The following POC1B variants were observed in gnomAD, a reference collection of about 807,000 sequenced individuals.
POC1B encodes the protein POC1 centriolar protein B, also known as POC1 centriolar protein homolog B.
A neutral mutation model predicts 60.6 loss-of-function variants in POC1B; 44 were observed. The ratio of observed to expected loss-of-function variants is 0.73; its 90% CI spans 0.57 to 0.93. The LOEUF (loss-of-function observed/expected upper bound fraction) is 0.93, where lower values mean the gene tolerates loss of function less well. Ranked by LOEUF, POC1B falls within the 40% of genes least tolerant of loss-of-function variation. The probability of loss-of-function intolerance (pLI) is 0.00; values close to 1 mark genes in which losing one functional copy is unlikely to be tolerated. For synonymous variants in POC1B, 180 were observed against 198.9 expected (o/e 0.90, Z 0.80); for missense variants, 555 against 572.3 (o/e 0.97, Z 0.31).
At chr12:89,483,891 T>G (rs1027506765) in intron 4 of POC1B, among the ~76,000 whole-genome samples, 1 of 152,218 alleles carries the variant, frequency 6.6e-6, no homozygotes, top group African/African-American at 2.4e-5. Context: ...ATGCTGGAAG[T>G]AGCAAATATG....
At chr12:89,463,485 A>G (rs1461797935) in intron 9 of POC1B, among the ~76,000 whole-genome samples, 1 of 152,180 alleles carries the variant, frequency 6.6e-6, no homozygotes, top group Non-Finnish European at 1.5e-5. Context: ...GGACAATGCA[A>G]TCCAACTCAT....
At chr12:89,465,333 A>C (rs1379987221) in intron 9 of POC1B, among the ~76,000 whole-genome samples, 1 of 152,200 alleles carries the variant, frequency 6.6e-6, no homozygotes, top group Non-Finnish European at 1.5e-5. Context: ...GTGTGGAGTC[A>C]TGGAAATAGC....
At chr12:89,408,785 C>A in the POC1B span, among the ~76,000 whole-genome samples, 5 of 152,080 alleles carry the variant, frequency 3.3e-5, no homozygotes, top group Non-Finnish European at 7.4e-5. Context: ...CCGCGCCTGG[C>A]CTGTTTCCTG....
At chr12:89,525,485 C>A (rs1871379723) in intron 1 of POC1B, 2 of 1,327,250 alleles carry the variant, frequency 1.5e-6, no homozygotes, top group South Asian at 4.1e-5. Flanking sequence ...CTTTGAAATG[C>A]ACGTTCCCGG....
chr12:89,500,833 A>G, intron 2 of POC1B: 1 of 1,041,194 alleles, frequency 9.6e-7, no homozygotes. Context: ...GGATCATCTC[A>G]GAATAGAATA....
At chr12:89,405,772 T>C in the POC1B span, among the ~76,000 whole-genome samples, 4 of 151,776 alleles carry the variant, frequency 2.6e-5, 1 homozygote, top group East Asian at 1.9e-4. Context: ...ATGGGCAGCA[T>C]GGTGAGACCC....
intron 10 of POC1B, among the ~76,000 whole-genome samples, chr12:89,448,249 G>GGA (rs1352791197): frequency 1.3e-5 from 2 of 151,948 alleles, no homozygotes; most frequent in African/African-American, 4.8e-5. Context: ...AGACAAACCT[G>GGA]GACAACATGG....
chr12:89,403,430 T>G, the POC1B span, among the ~76,000 whole-genome samples: 5 of 152,282 alleles, frequency 3.3e-5, no homozygotes, highest in Non-Finnish European at 7.3e-5. Context: ...CAAGGTAAAC[T>G]GAGTTTGAAA....
chr12:89,440,035 C>T (rs778352163), intron 10 of POC1B, among the ~76,000 whole-genome samples: 65 of 152,166 alleles, frequency 4.3e-4, no homozygotes, highest in Non-Finnish European at 7.8e-4. Flanking sequence ...TTTTGCTTAC[C>T]GTTATAACCC....
chr12:89,526,024 C>A lies in POC1B; in HGVS notation c.-129G>T. The A allele has an allele frequency of 1.3e-6, 2 of 1,536,968 alleles. No homozygotes were observed. Among genetic ancestry groups the A allele is most frequent in the South Asian group, 2.4e-5 (2 of 83,790 alleles). ...GCCCAGAGCGGCAGCGCCTCCCGGTCACTACAACAACGGCGGCCCAGTCAA... is the reference window on the plus strand; with the variant it reads ...GCCCAGAGCGGCAGCGCCTCCCGGTAACTACAACAACGGCGGCCCAGTCAA... On this transcript the variant is annotated 5_prime_UTR_variant, in exon 1 of 12. Transcript: ENST00000313546.
chr12:89,486,246 T>C (rs1868626212), intron 4 of POC1B, among the ~76,000 whole-genome samples: 1 of 152,032 alleles, frequency 6.6e-6, no homozygotes, highest in Non-Finnish European at 1.5e-5. Context: ...CGAAGTCTAA[T>C]AGGGAAGAGA....
chr12:89,446,089 A>G (rs1881774019), intron 10 of POC1B, among the ~76,000 whole-genome samples: 1 of 152,228 alleles, frequency 6.6e-6, no homozygotes, highest in Non-Finnish European at 1.5e-5. Flanking sequence ...GCGATCATTA[A>G]AAAGTCAGGA....
At chr12:89,431,535 T>C (rs1305938830) in intron 10 of POC1B, among the ~76,000 whole-genome samples, 2 of 152,288 alleles carry the variant, frequency 1.3e-5, no homozygotes, top group East Asian at 1.9e-4. Flanking sequence ...CCTTTTGCCT[T>C]GGACAAAAAT....
At chr12:89,462,493 C>T (rs534197218) in intron 9 of POC1B, among the ~76,000 whole-genome samples, 1 of 152,096 alleles carries the variant, frequency 6.6e-6, no homozygotes, top group African/African-American at 2.4e-5. Context: ...CTGAGGAGTC[C>T]ACGAACATAA....
chr12:89,438,790 C>T (rs551368751), intron 10 of POC1B, among the ~76,000 whole-genome samples: 5 of 152,354 alleles, frequency 3.3e-5, no homozygotes, highest in South Asian at 2.1e-4. Flanking sequence ...TTACCACATA[C>T]ATGCAGAATA....
chr12:89,517,341 AGCACTCTATG>A (rs1238736483), intron 2 of POC1B, among the ~76,000 whole-genome samples: 2 of 152,182 alleles, frequency 1.3e-5, no homozygotes, highest in Admixed American at 6.6e-5. Context: ...CCCTTTAAAA[AGCACTCTATG>A]GCTGGGTGCA....
At chr12:89,450,579 C>T (rs1419858732) in intron 10 of POC1B, among the ~76,000 whole-genome samples, 1 of 152,116 alleles carries the variant, frequency 6.6e-6, no homozygotes, top group Admixed American at 6.5e-5. Flanking sequence ...GGGCAAAGTA[C>T]ACAAATACAC....
chr12:89,411,308 C>A, the POC1B span, among the ~76,000 whole-genome samples: 79 of 152,274 alleles, frequency 5.2e-4, no homozygotes, highest in African/African-American at 1.8e-3. Context: ...ACCCATATAG[C>A]CAAGACAATC....
At chr12:89,449,047 T>G (rs1267571430) in intron 10 of POC1B, among the ~76,000 whole-genome samples, 1 of 152,140 alleles carries the variant, frequency 6.6e-6, no homozygotes, top group Non-Finnish European at 1.5e-5. Flanking sequence ...TGAAAAAACA[T>G]TTACTTAAGT....
Sources: allele counts gnomAD v4.1 joint callset (sites outside exome capture counted in the v4.1 genomes callset), GRCh38; gene constraint gnomAD v4.1.1; transcripts MANE v1.5; gene names NCBI Gene and HGNC (gene_info 2026-07-23, HGNC 2026-07-21).